The following GALNTL6 variants were observed in gnomAD, a reference collection of about 807,000 sequenced individuals.
GALNTL6 encodes the protein polypeptide N-acetylgalactosaminyltransferase like 6.
In GALNTL6, 46 loss-of-function variants were observed where a neutral mutation model predicts 73.7. The observed-to-expected ratio is 0.62, with a 90% CI of 0.49 to 0.80. GALNTL6 has a LOEUF of 0.80. GALNTL6 is among the 30% of genes least tolerant of loss of function. The pLI is 0.00. For missense variants in GALNTL6, 604 were observed against 755.0 expected (o/e 0.80, Z 2.34); for synonymous variants, 259 against 263.7 (o/e 0.98, Z 0.17).
At chr4:172,380,257 A>T in intron 5 of GALNTL6, 1 of 871,386 alleles carries the variant, frequency 1.1e-6, no homozygotes, top group Non-Finnish European at 2.0e-6. Context: ...CTACATTAGG[A>T]TGACAAATTT....
intron 10 of GALNTL6, among the ~76,000 whole-genome samples, chr4:172,957,459 T>A (rs1749804695): frequency 6.6e-6 from 1 of 152,038 alleles, no homozygotes. Flanking sequence ...GTGGGAGTGG[T>A]CAGATGAGAA....
At chr4:172,059,157 G>T (rs1731116434) in intron 2 of GALNTL6, among the ~76,000 whole-genome samples, 1 of 152,140 alleles carries the variant, frequency 6.6e-6, no homozygotes, top group African/African-American at 2.4e-5. Flanking sequence ...GAATCTTTTG[G>T]AAAAAGGAAG....
At chr4:171,993,199 G>GCA (rs2110741546) in intron 2 of GALNTL6, among the ~76,000 whole-genome samples, 2 of 151,542 alleles carry the variant, frequency 1.3e-5, no homozygotes, top group South Asian at 4.2e-4. Context: ...GTCAGAATAA[G>GCA]TATATATAAG....
chr4:172,206,887 C>G (rs959938544), intron 2 of GALNTL6, among the ~76,000 whole-genome samples: 1 of 136,168 alleles, frequency 7.3e-6, no homozygotes, highest in Non-Finnish European at 1.5e-5. Context: ...GTGTGATCTC[C>G]ACTCACTGCA....
intron 5 of GALNTL6, among the ~76,000 whole-genome samples, chr4:172,577,111 A>T (rs891383420): frequency 1.3e-5 from 2 of 152,196 alleles, no homozygotes; most frequent in Non-Finnish European, 2.9e-5. Context: ...ACTAGAGCCC[A>T]TTCATACTGC....
At chr4:171,906,468 C>T (rs1166581542) in intron 2 of GALNTL6, among the ~76,000 whole-genome samples, 2 of 151,786 alleles carry the variant, frequency 1.3e-5, no homozygotes, top group Non-Finnish European at 1.5e-5. Context: ...TCTGAATAGA[C>T]CAATAACAGG....
At chr4:172,327,401 G>A (rs766881070) in intron 4 of GALNTL6, among the ~76,000 whole-genome samples, 58 of 152,164 alleles carry the variant, frequency 3.8e-4, no homozygotes, top group Non-Finnish European at 6.5e-4. Flanking sequence ...TTCTGTAGAG[G>A]TCTATCAAAT....
At chr4:172,030,350 C>A (rs1018779849) in intron 2 of GALNTL6, among the ~76,000 whole-genome samples, 3 of 151,928 alleles carry the variant, frequency 2.0e-5, no homozygotes, top group African/African-American at 7.3e-5. Flanking sequence ...TGTCAAGCAA[C>A]CGGGGTAGCA....
At chr4:172,727,003 A>T (rs527821881) in intron 5 of GALNTL6, among the ~76,000 whole-genome samples, 2 of 152,356 alleles carry the variant, frequency 1.3e-5, no homozygotes, top group Admixed American at 6.5e-5. Context: ...AAGACATCCC[A>T]CTGGCATTCA....
chr4:171,940,145 C>T (rs1328229937), intron 2 of GALNTL6, among the ~76,000 whole-genome samples: 8 of 151,918 alleles, frequency 5.3e-5, no homozygotes, highest in Admixed American at 4.6e-4. Flanking sequence ...AAACACACTT[C>T]TAGTCATGTG....
In GALNTL6 at chr4:172,642,644, A is replaced by G. The variant is rs375008070; in HGVS notation, c.554-166717A>G. On this transcript the variant is annotated intron_variant, in intron 5 of 12. Coordinates refer to ENST00000506823, the MANE Select transcript of GALNTL6 (RefSeq NM_001034845.3). ...GGAATAAGTTCAAGAGATTTACTTT[A>G]AAACATGGTCACTAAAGTTAATAAC... is the stretch of plus-strand genomic sequence containing the variant. Among the ~76,000 whole-genome samples the G allele has an allele frequency of 6.6e-5, 10 of 152,072 alleles. 1 individual carries two copies. In the South Asian group the frequency reaches 2.1e-3, roughly 32 times the overall value.
intron 5 of GALNTL6, among the ~76,000 whole-genome samples, chr4:172,459,404 G>A (rs1388077042): frequency 2.6e-5 from 4 of 152,316 alleles, no homozygotes. Context: ...TATTCAAATA[G>A]GAAGAGAGGA....
At chr4:172,769,333 T>C (rs1738625185) in intron 5 of GALNTL6, among the ~76,000 whole-genome samples, 1 of 152,026 alleles carries the variant, frequency 6.6e-6, no homozygotes, top group Non-Finnish European at 1.5e-5. Context: ...ATGAGAGTAG[T>C]GACAGTAAAA....
chr4:172,081,805 C>T (rs533505432), intron 2 of GALNTL6, among the ~76,000 whole-genome samples: 40 of 151,948 alleles, frequency 2.6e-4, no homozygotes, highest in African/African-American at 8.7e-4. Flanking sequence ...GTAGCTTAGA[C>T]GAGGTGGTGG....
intron 2 of GALNTL6, among the ~76,000 whole-genome samples, chr4:172,168,969 AT>A (rs1251140289): frequency 6.6e-6 from 1 of 152,230 alleles, no homozygotes; most frequent in African/African-American, 2.4e-5. Flanking sequence ...GAGGATAACA[AT>A]TTAGCAAACA....
At chr4:172,076,668 T>C (rs1422673256) in intron 2 of GALNTL6, among the ~76,000 whole-genome samples, 1 of 152,248 alleles carries the variant, frequency 6.6e-6, no homozygotes, top group Non-Finnish European at 1.5e-5. Context: ...ATGTATTTCA[T>C]ATTCATATAT....
chr4:172,800,637 T>C (rs911015192), intron 5 of GALNTL6, among the ~76,000 whole-genome samples: 5 of 152,148 alleles, frequency 3.3e-5, no homozygotes, highest in African/African-American at 1.2e-4. Context: ...CTATTTTTTT[T>C]GCAATACATA....
intron 2 of GALNTL6, among the ~76,000 whole-genome samples, chr4:171,908,144 T>C (rs1440807007): frequency 6.6e-6 from 1 of 151,976 alleles, no homozygotes; most frequent in African/African-American, 2.4e-5. Flanking sequence ...AACTGACAAA[T>C]GGGATCTAAT....
At chr4:172,626,808 G>A (rs1579257507) in intron 5 of GALNTL6, among the ~76,000 whole-genome samples, 1 of 152,098 alleles carries the variant, frequency 6.6e-6, no homozygotes, top group African/African-American at 2.4e-5. Context: ...CATTATTGTT[G>A]CATAGAAATG....
Sources: allele counts gnomAD v4.1 joint callset (sites outside exome capture counted in the v4.1 genomes callset), GRCh38; gene constraint gnomAD v4.1.1; transcripts MANE v1.5; gene names NCBI Gene and HGNC (gene_info 2026-07-23, HGNC 2026-07-21).